The following FTCDNL1 variants were observed in gnomAD, a reference collection of about 807,000 sequenced individuals.
FTCDNL1 encodes the protein formiminotransferase N-terminal subdomain-containing protein.
Under a neutral mutation model 5.9 loss-of-function variants are expected in FTCDNL1, and 11 were observed. The ratio of observed to expected loss-of-function variants is 1.87; its 90% confidence interval spans 1.18 to 3.10. FTCDNL1 has a LOEUF of 3.10. Ranked by LOEUF, FTCDNL1 falls within the 30% of genes most tolerant of loss-of-function variation. The pLI is 0.00. For synonymous variants in FTCDNL1, 58 were observed against 24.8 expected (o/e 2.34, Z -3.99); for missense variants, 115 against 65.5 (o/e 1.76, Z -2.61).
the FTCDNL1 span, among the ~76,000 whole-genome samples, chr2:199,677,548 G>C: frequency 2.6e-5 from 4 of 152,268 alleles, no homozygotes; most frequent in South Asian, 8.3e-4. Flanking sequence ...TTTATGAAGA[G>C]AGAGCATTGC....
chr2:199,787,953 A>G (rs1183999842), intron 3 of FTCDNL1, among the ~76,000 whole-genome samples: 1 of 152,230 alleles, frequency 6.6e-6, no homozygotes, highest in Non-Finnish European at 1.5e-5. Context: ...CACTAAATGC[A>G]AAATTGGAAT....
the FTCDNL1 span, among the ~76,000 whole-genome samples, chr2:199,664,461 T>C: frequency 6.6e-6 from 1 of 152,196 alleles, no homozygotes; most frequent in East Asian, 1.9e-4. Context: ...CCTACAGAGC[T>C]AATTGAAAAA....
chr2:199,711,593 T>C, the FTCDNL1 span, among the ~76,000 whole-genome samples: 6 of 152,160 alleles, frequency 3.9e-5, no homozygotes, highest in Non-Finnish European at 5.9e-5. Flanking sequence ...TTTGCAACAC[T>C]GAGAGTGTGA....
At chr2:199,845,006 C>T (rs1326775984) in intron 3 of FTCDNL1, among the ~76,000 whole-genome samples, 1 of 151,976 alleles carries the variant, frequency 6.6e-6, no homozygotes, top group African/African-American at 2.4e-5. Flanking sequence ...CCACCTTGGC[C>T]GCCCAAAGTG....
At chr2:199,715,173 A>G in the FTCDNL1 span, among the ~76,000 whole-genome samples, 1 of 151,716 alleles carries the variant, frequency 6.6e-6, no homozygotes, top group Non-Finnish European at 1.5e-5. Flanking sequence ...TTTGTAATTC[A>G]AGCAAGAAAT....
intron 3 of FTCDNL1, among the ~76,000 whole-genome samples, chr2:199,844,883 T>C (rs113577871): frequency 0.016 from 2,451 of 152,194 alleles, 61 homozygotes; most frequent in African/African-American, 0.056. Flanking sequence ...TTATGAGTAA[T>C]TATATTAAAA....
At chr2:199,839,756 T>C (rs1414388395) in intron 3 of FTCDNL1, among the ~76,000 whole-genome samples, 1 of 152,138 alleles carries the variant, frequency 6.6e-6, no homozygotes, top group Non-Finnish European at 1.5e-5. Flanking sequence ...TCAATAGCAA[T>C]GTGGAAACAA....
At chr2:199,834,747 A>T (rs918697713) in intron 3 of FTCDNL1, among the ~76,000 whole-genome samples, 7 of 152,164 alleles carry the variant, frequency 4.6e-5, no homozygotes, top group African/African-American at 1.7e-4. Context: ...TCTCCTCTTA[A>T]ACCTACCCCA....
intron 3 of FTCDNL1, among the ~76,000 whole-genome samples, chr2:199,833,470 G>C (rs1702513082): frequency 6.6e-6 from 1 of 152,192 alleles, no homozygotes. Context: ...CTCTCTTTCA[G>C]AGAAGCTATA....
intron 3 of FTCDNL1, among the ~76,000 whole-genome samples, chr2:199,790,984 T>G (rs1699896797): frequency 6.6e-6 from 1 of 152,152 alleles, no homozygotes; most frequent in Admixed American, 6.5e-5. Flanking sequence ...CACTGGCAAG[T>G]GTGGACATAG....
chr2:199,699,365 G>T, the FTCDNL1 span, among the ~76,000 whole-genome samples: 1 of 152,134 alleles, frequency 6.6e-6, no homozygotes, highest in Admixed American at 6.5e-5. Flanking sequence ...TACCTGGGGG[G>T]CTCACCTATG....
At chr2:199,818,169 C>G (rs1701465120) in intron 4 of FTCDNL1, among the ~76,000 whole-genome samples, 1 of 152,200 alleles carries the variant, frequency 6.6e-6, no homozygotes, top group South Asian at 2.1e-4. Context: ...GAAGTGACTA[C>G]ATCTGCGGTA....
chr2:199,718,873 C>T, the FTCDNL1 span, among the ~76,000 whole-genome samples: 1 of 151,878 alleles, frequency 6.6e-6, no homozygotes, highest in African/African-American at 2.4e-5. Flanking sequence ...TGTACTTTGC[C>T]TTTTTAATGA....
the FTCDNL1 span, among the ~76,000 whole-genome samples, chr2:199,711,032 C>T: frequency 1.3e-3 from 195 of 151,950 alleles, 1 homozygote; most frequent in African/African-American, 4.5e-3. Flanking sequence ...AAAGTGATAT[C>T]AAAATAACAG....
the FTCDNL1 span, among the ~76,000 whole-genome samples, chr2:199,687,940 A>G: frequency 1.3e-5 from 2 of 152,014 alleles, no homozygotes; most frequent in African/African-American, 4.8e-5. Flanking sequence ...TAATGGAACC[A>G]CGATTTAAAG....
intron 1 of FTCDNL1, among the ~76,000 whole-genome samples, chr2:199,849,987 C>T (rs768847827): frequency 1.3e-5 from 2 of 152,194 alleles, no homozygotes; most frequent in African/African-American, 2.4e-5. Context: ...CTCTGAGACA[C>T]GCGTTAAACT....
chr2:199,802,087 A>G (rs551369187), intron 3 of FTCDNL1, among the ~76,000 whole-genome samples: 1 of 152,354 alleles, frequency 6.6e-6, no homozygotes, highest in African/African-American at 2.4e-5. Context: ...ACTCATCATG[A>G]AAGGACATAT....
the FTCDNL1 span, among the ~76,000 whole-genome samples, chr2:199,750,675 C>T: frequency 1.3e-5 from 2 of 152,176 alleles, no homozygotes; most frequent in Admixed American, 1.3e-4. Flanking sequence ...AATCAGAGAG[C>T]CAGGTAGGGG....
the FTCDNL1 span, among the ~76,000 whole-genome samples, chr2:199,718,753 G>C: frequency 6.6e-6 from 1 of 152,146 alleles, no homozygotes. Flanking sequence ...CCAGACTGGT[G>C]TAAGACGCTA....
Sources: allele counts gnomAD v4.1 joint callset (sites outside exome capture counted in the v4.1 genomes callset), GRCh38; gene constraint gnomAD v4.1.1; transcripts MANE v1.5; gene names NCBI Gene and HGNC (gene_info 2026-07-23, HGNC 2026-07-21).